MARCHF4: variants seen among roughly 807,000 people sequenced by gnomAD.
MARCHF4 encodes the protein membrane associated ring-CH-type finger 4.
MARCHF4 carries 14 observed loss-of-function variants against 43.9 expected under a neutral mutation model. That is an observed-to-expected ratio of 0.32 (90% CI 0.21 to 0.50). The LOEUF (loss-of-function observed/expected upper bound fraction) is 0.50, where lower values mean the gene tolerates loss of function less well. MARCHF4 is among the 20% of genes least tolerant of loss of function. The probability of loss-of-function intolerance (pLI) is 0.98; values close to 1 mark genes in which losing one functional copy is unlikely to be tolerated. For missense variants in MARCHF4, 468 were observed against 536.7 expected (o/e 0.87, Z 1.27); for synonymous variants, 226 against 213.3 (o/e 1.06, Z -0.52).
At chr2:216,354,476 A>G (rs1692451424) in intron 1 of MARCHF4, among the ~76,000 whole-genome samples, 1 of 151,974 alleles carries the variant, frequency 6.6e-6, no homozygotes, top group Non-Finnish European at 1.5e-5. Context: ...AACATATGCA[A>G]CCCTGGTCCA....
At chr2:216,311,893 C>A (rs994838110) in intron 1 of MARCHF4, among the ~76,000 whole-genome samples, 9 of 152,162 alleles carry the variant, frequency 5.9e-5, no homozygotes, top group African/African-American at 1.9e-4. Flanking sequence ...GTATTAGGAG[C>A]AAATGGTATC....
Position 216,275,847 on chromosome 2 carries a change from C to T in MARCHF4, c.865+1825G>A, listed in dbSNP as rs78795818. ...AGTTCTGAGCAGGCGTTTTGAGATG[C>T]ATTGCAAGTTTCCACCAAGCCCCCT... On this transcript the variant is annotated intron_variant, in intron 3 of 3. Coordinates refer to ENST00000273067, the MANE Select transcript of MARCHF4 (RefSeq NM_020814.3). Among the ~76,000 whole-genome samples the T allele has an allele frequency of 4.4e-3, 673 of 152,250 alleles. 7 individuals are homozygous for T. The highest frequency in any genetic ancestry group is 0.016 in the African/African-American group (654 of 41,546).
intron 1 of MARCHF4, among the ~76,000 whole-genome samples, chr2:216,320,696 A>C (rs1236935962): frequency 8.5e-6 from 1 of 117,726 alleles, no homozygotes; most frequent in Non-Finnish European, 1.7e-5. Context: ...TTTGAGATGG[A>C]GTCCCACTCT....
intron 1 of MARCHF4, among the ~76,000 whole-genome samples, chr2:216,300,577 T>C (rs1268821454): frequency 6.6e-6 from 1 of 151,900 alleles, no homozygotes; most frequent in East Asian, 1.9e-4. Flanking sequence ...AACTCCTGGG[T>C]TCAAGCAATC....
intron 1 of MARCHF4, among the ~76,000 whole-genome samples, chr2:216,360,585 G>A (rs1692560068): frequency 6.6e-6 from 1 of 152,156 alleles, no homozygotes; most frequent in African/African-American, 2.4e-5. Context: ...TATTTTGCCG[G>A]GAGATCGGGA....
rs892790855 is a variant in MARCHF4 at position 216,291,791 on chromosome 2, C to A, written c.517-8062G>T. ...AACACTTTCACAGACATTATACCAA[C>A]TACTACCTCAAAAGCTAAGTGAAGC... On this transcript the variant is annotated intron_variant, in intron 1 of 3. Transcript: ENST00000273067. Among the ~76,000 whole-genome samples, 48 of 152,206 alleles carry A rather than the reference C, an allele frequency of 3.2e-4. 1 individual carries two copies. The highest frequency in any genetic ancestry group is 5.1e-4 in the Non-Finnish European group (35 of 68,036).
intron 1 of MARCHF4, among the ~76,000 whole-genome samples, chr2:216,336,323 A>T (rs1319755837): frequency 6.6e-6 from 1 of 152,190 alleles, no homozygotes; most frequent in Admixed American, 6.5e-5. Flanking sequence ...ACACTTTTTG[A>T]ATATTAAAGA....
intron 1 of MARCHF4, among the ~76,000 whole-genome samples, chr2:216,307,694 G>A (rs984153530): frequency 1.3e-5 from 2 of 152,126 alleles, no homozygotes; most frequent in Non-Finnish European, 2.9e-5. Flanking sequence ...GGAGGCCCCC[G>A]TGACAGCTCG....
At chr2:216,305,482 C>A (rs564999863) in intron 1 of MARCHF4, among the ~76,000 whole-genome samples, 1 of 152,050 alleles carries the variant, frequency 6.6e-6, no homozygotes, top group African/African-American at 2.4e-5. Context: ...TTTCTTGCTC[C>A]GGCTCTAACG....
At chr2:216,314,664 A>T (rs1368368895) in intron 1 of MARCHF4, among the ~76,000 whole-genome samples, 1 of 152,208 alleles carries the variant, frequency 6.6e-6, no homozygotes, top group Non-Finnish European at 1.5e-5. Context: ...GGAAAATAAT[A>T]GGATGCTAAA....
intron 1 of MARCHF4, among the ~76,000 whole-genome samples, chr2:216,327,466 G>A (rs560424014): frequency 1.3e-5 from 2 of 152,042 alleles, no homozygotes; most frequent in South Asian, 2.1e-4. Flanking sequence ...AAGGACCTTG[G>A]TACAGTCATT....
chr2:216,364,092 T>C (rs752690824), intron 1 of MARCHF4, among the ~76,000 whole-genome samples: 1 of 152,064 alleles, frequency 6.6e-6, no homozygotes, highest in Admixed American at 6.6e-5. Flanking sequence ...TGATAGAAAG[T>C]TTGTATAATA....
At chr2:216,266,438 ACCTTGT>A (rs946889334) in intron 3 of MARCHF4, among the ~76,000 whole-genome samples, 6 of 152,164 alleles carry the variant, frequency 3.9e-5, no homozygotes, top group Non-Finnish European at 8.8e-5. Flanking sequence ...TTCATTGGCA[ACCTTGT>A]CCCCAACACA....
intron 1 of MARCHF4, among the ~76,000 whole-genome samples, chr2:216,362,854 CTGA>C (rs1440197856): frequency 1.3e-5 from 2 of 152,158 alleles, no homozygotes; most frequent in Non-Finnish European, 2.9e-5. Context: ...TGGCTTATAC[CTGA>C]TGCATCTCAG....
At chr2:216,295,623 A>G (rs1048333415) in intron 1 of MARCHF4, among the ~76,000 whole-genome samples, 4 of 152,368 alleles carry the variant, frequency 2.6e-5, no homozygotes, top group Admixed American at 6.5e-5. Context: ...AAAAAGAGGT[A>G]GGGAGAGGAC....
chr2:216,303,755 T>C (rs1351389282), intron 1 of MARCHF4: 1 of 152,242 alleles, frequency 6.6e-6, no homozygotes, highest in Non-Finnish European at 1.5e-5. Flanking sequence ...GTTGGTTAAA[T>C]GGGATGTTGG....
At chr2:216,322,715 G>C (rs1233330815) in intron 1 of MARCHF4, among the ~76,000 whole-genome samples, 1 of 152,158 alleles carries the variant, frequency 6.6e-6, no homozygotes, top group South Asian at 2.1e-4. Flanking sequence ...CCAGCTACTA[G>C]GGAGGCTGAG....
chr2:216,354,734 G>A (rs1003597850), intron 1 of MARCHF4, among the ~76,000 whole-genome samples: 6 of 152,142 alleles, frequency 3.9e-5, no homozygotes, highest in Non-Finnish European at 8.8e-5. Context: ...AGGTCATCAA[G>A]TTGATTCCCC....
intron 1 of MARCHF4, among the ~76,000 whole-genome samples, chr2:216,343,599 T>G (rs1422497150): frequency 6.6e-6 from 1 of 152,204 alleles, no homozygotes; most frequent in African/African-American, 2.4e-5. Context: ...AGCTAATATC[T>G]GAGCTCCTAA....
Sources: allele counts gnomAD v4.1 joint callset (sites outside exome capture counted in the v4.1 genomes callset), GRCh38; gene constraint gnomAD v4.1.1; transcripts MANE v1.5; gene names NCBI Gene and HGNC (gene_info 2026-07-23, HGNC 2026-07-21).